AGPAT3: variants seen among roughly 807,000 people sequenced by gnomAD.
AGPAT3 encodes 1-acylglycerol-3-phosphate O-acyltransferase 3.
Under a neutral mutation model 47.3 loss-of-function variants are expected in AGPAT3, and 5 were observed. The observed-to-expected ratio is 0.11, with a 90% CI of 0.06 to 0.22. The LOEUF (loss-of-function observed/expected upper bound fraction) is 0.22. Among genes scored for constraint, AGPAT3 ranks in the 10% least tolerant of loss-of-function variants. The pLI is 1.00. For synonymous variants in AGPAT3, 212 were observed against 208.3 expected (o/e 1.02, Z -0.15); for missense variants, 315 against 493.0 (o/e 0.64, Z 3.42).
chr21:43,891,665 C>T (rs573981945), intron 1 of AGPAT3, among the ~76,000 whole-genome samples: 37 of 151,838 alleles, frequency 2.4e-4, no homozygotes, highest in Admixed American at 2.0e-3. Context: ...AACTCCTCAC[C>T]TGTTCAAGTT....
Position 43,968,088 on chromosome 21 carries a change from C to T in AGPAT3, c.321C>T (p.Thr107=), listed in dbSNP as rs751828858. The change falls in exon 4 of 10, where the codon ACC becomes ACT. Residue 107 remains threonine (T), a synonymous_variant. Transcript: ENST00000291572. ...AGATCGACTTCCTCTGTGGGTGGAC[C>T]ATGTGTGAGCGCTTCGGAGTGCTGG... ...NFEIDFLCGW[T]MCERFGVLGS... 1.2e-6 allele frequency: 2 copies of T among 1,613,550 alleles called. No individual in the cohort carries two copies. The highest frequency in any genetic ancestry group is 1.7e-6 in the Non-Finnish European group (2 of 1,179,964).
chr21:43,889,697 T>C (rs772868605), intron 1 of AGPAT3, among the ~76,000 whole-genome samples: 1 of 152,228 alleles, frequency 6.6e-6, no homozygotes, highest in Non-Finnish European at 1.5e-5. Context: ...TCAGAAGTTA[T>C]GTTTCTGCTA....
Position 43,934,428 on chromosome 21 carries a change from T to C in AGPAT3, c.-48-25206T>C, listed in dbSNP as rs1247012910. The stretch of plus-strand genomic sequence containing the variant: ...GGCCGTCGGCTGCCTGGCCCTGGCC[T>C]GCGTGGCAGCGCAACCTCGTTGGTA... On this transcript the variant is annotated intron_variant, in intron 2 of 9. Transcript: ENST00000291572. The surrounding 1 kb of genome is among the most constrained non-coding windows in gnomAD (Gnocchi z 4.7). Among the ~76,000 whole-genome samples, 1 of 152,248 alleles carries C rather than the reference T, an allele frequency of 6.6e-6. No individual in the cohort carries two copies. The highest frequency in any genetic ancestry group is 1.5e-5 in the Non-Finnish European group (1 of 68,044).
intron 1 of AGPAT3, among the ~76,000 whole-genome samples, chr21:43,893,076 C>T (rs1005624990): frequency 2.0e-5 from 3 of 152,170 alleles, no homozygotes; most frequent in Non-Finnish European, 4.4e-5. Context: ...GCCTAGGCAA[C>T]CGAGTGACAC....
rs982044465 is a variant in AGPAT3 at position 43,955,294 on chromosome 21, G to T, written c.-48-4340G>T. 1.8e-6 allele frequency: 2 copies of T among 1,134,046 alleles called. No individual in the cohort carries two copies. The highest frequency in any genetic ancestry group is 2.2e-6 in the Non-Finnish European group (2 of 898,942). The allele number at this position is 1,134,046 out of a possible 1,614,324, so 70.2% of individuals were successfully genotyped here. A position where few individuals can be genotyped will look rare whatever the true frequency, so the allele number is the denominator to read the frequency against. On this transcript the variant is annotated intron_variant, in intron 2 of 9. Transcript: ENST00000291572. The surrounding 1 kb of genome is among the most constrained non-coding windows in gnomAD (Gnocchi z 4.1). ...CTGACCTGCATTGTCAGGCTGGGTGGGGAAGGACTTGGATGGAAATGTTCC... is the reference window on the plus strand; with the variant it reads ...CTGACCTGCATTGTCAGGCTGGGTGTGGAAGGACTTGGATGGAAATGTTCC...
At chr21:43,980,543 G>A (rs2089810238) in intron 8 of AGPAT3, among the ~76,000 whole-genome samples, 1 of 152,240 alleles carries the variant, frequency 6.6e-6, no homozygotes, top group South Asian at 2.1e-4. Flanking sequence ...AGGTATGCGA[G>A]GTTAAGGAAC....
At chr21:43,950,623 T>G (rs2088146080) in intron 2 of AGPAT3, 1 of 152,224 alleles carries the variant, frequency 6.6e-6, no homozygotes, top group African/African-American at 2.4e-5. Flanking sequence ...TGTGCCCTCA[T>G]GCGTGATGTC....
At chr21:43,886,315 G>A (rs766980049) in intron 1 of AGPAT3, among the ~76,000 whole-genome samples, 8 of 151,884 alleles carry the variant, frequency 5.3e-5, no homozygotes, top group African/African-American at 1.5e-4. Context: ...GTGCAGTGGC[G>A]TGGTCTCGGC....
At chr21:43,897,208 C>A (rs1239355170) in intron 1 of AGPAT3, among the ~76,000 whole-genome samples, 1 of 151,918 alleles carries the variant, frequency 6.6e-6, no homozygotes, top group African/African-American at 2.4e-5. Flanking sequence ...GCACATCTTG[C>A]ACCGCCCTTA....
Position 43,955,146 on chromosome 21 carries a change from C to A in AGPAT3, c.-48-4488C>A. 19 of 1,276,062 alleles carry A rather than the reference C, an allele frequency of 1.5e-5. No individual in the cohort carries two copies. The highest frequency in any genetic ancestry group is 1.9e-5 in the Non-Finnish European group (19 of 980,510). 79.0% of individuals were successfully genotyped at this position (1,276,062 alleles called of 1,614,324 possible). On this transcript the variant is annotated intron_variant, in intron 2 of 9. Transcript: ENST00000291572. The surrounding 1 kb of genome is among the most constrained non-coding windows in gnomAD (Gnocchi z 4.1). ...GGGGGTCACTCAGCAGCCACGGATG[C>A]GCCCTGGGTGCTGTCCCGGGGCCGT...
At chr21:43,968,992 T>G in intron 4 of AGPAT3, 126 bp from the exon 5 acceptor site, 1 of 998,046 alleles carries the variant, frequency 1.0e-6, no homozygotes, top group Non-Finnish European at 1.5e-6. Flanking sequence ...GCAGACCCCC[T>G]GAGCCACAAA....
At chr21:43,948,774 G>A (rs1037066540) in intron 2 of AGPAT3, among the ~76,000 whole-genome samples, 1 of 152,186 alleles carries the variant, frequency 6.6e-6, no homozygotes, top group African/African-American at 2.4e-5. Flanking sequence ...AAATACAATA[G>A]AAATATAAAT....
chr21:43,943,065 T>C (rs1385148968), intron 2 of AGPAT3, among the ~76,000 whole-genome samples: 1 of 152,078 alleles, frequency 6.6e-6, no homozygotes, highest in Non-Finnish European at 1.5e-5. Context: ...GACATCATTT[T>C]CTTTTTTTCT....
In AGPAT3 at chr21:43,982,956, A is replaced by C. The variant is rs1428682196; in HGVS notation, c.*564A>C. 1.3e-5 allele frequency: 2 copies of C among 152,910 alleles called. No individual in the cohort carries two copies. The highest frequency in any genetic ancestry group is 6.5e-5 in the Admixed American group (1 of 15,312). 9.5% of individuals were successfully genotyped at this position (152,910 alleles called of 1,614,324 possible). On this transcript the variant is annotated 3_prime_UTR_variant, in exon 10 of 10. Transcript: ENST00000291572. This position sits in a 1 kb window ranked among gnomAD's most constrained non-coding sequence, Gnocchi z 6.2. ...GCACGAACGTCAGGTCCATTCCTCG[A>C]AGTCGGAGCCCTCACTCTGCCCTGT...
rs148800037 is a variant in AGPAT3, at chr21:43,980,820, C to T, written c.844-169C>T. On this transcript the variant is annotated intron_variant, in intron 8 of 9. Transcript: ENST00000291572. ...TGCACGCTATCAGATTCTCCAAAAA[C>T]GTACAGCCAGCTTCGCCTGCACCTG... Among the ~76,000 whole-genome samples the T allele has an allele frequency of 5.5e-3, 832 of 152,340 alleles. 4 individuals carry two copies. Among genetic ancestry groups the T allele is most frequent in the African/African-American group, 0.019 (790 of 41,576 alleles).
intron 2 of AGPAT3, among the ~76,000 whole-genome samples, chr21:43,923,509 C>G (rs1257669793): frequency 6.6e-6 from 1 of 152,200 alleles, no homozygotes; most frequent in African/African-American, 2.4e-5. Flanking sequence ...TCTGACGCGT[C>G]AGATCCCCCA....
intron 3 of AGPAT3, among the ~76,000 whole-genome samples, chr21:43,963,894 C>G (rs1298429257): frequency 6.6e-6 from 1 of 151,636 alleles, no homozygotes; most frequent in South Asian, 2.1e-4. Flanking sequence ...CTGTGTTGTT[C>G]AAGAGTACAA....
chr21:43,985,105 C>G lies in AGPAT3; in HGVS notation c.*2713C>G, dbSNP rs1465294497. On this transcript the variant is annotated 3_prime_UTR_variant, in exon 10 of 10. Coordinates refer to ENST00000291572, the MANE Select transcript of AGPAT3 (RefSeq NM_020132.5). ...ACGGGCGTCTGGCCGGTCAAGCTCC[C>G]AGCCTGGGCCGTGGTCTCCTGGGGA... The G allele has an allele frequency of 2.2e-6, 1 of 456,258 alleles. No individual in the cohort carries two copies. Among genetic ancestry groups the G allele is most frequent in the Non-Finnish European group, 4.4e-6 (1 of 226,928 alleles). 28.3% of individuals were successfully genotyped at this position (456,258 alleles called of 1,614,324 possible). A position where few individuals can be genotyped will look rare whatever the true frequency, so the allele number is the denominator to read the frequency against.
At chr21:43,868,787 T>C (rs1399767812) in intron 1 of AGPAT3, among the ~76,000 whole-genome samples, 1 of 152,162 alleles carries the variant, frequency 6.6e-6, no homozygotes, top group South Asian at 2.1e-4. Context: ...TACCTTATTA[T>C]TTTATAAGCT....
Sources: gnomAD v4.1 joint callset for allele counts (sites outside exome capture counted in the v4.1 genomes callset) on GRCh38, gnomAD v4.1.1 for gene constraint, Gnocchi (gnomAD v3.1) non-coding constraint, MANE v1.5 for transcripts, NCBI Gene and HGNC (gene_info 2026-07-23, HGNC 2026-07-21) for gene names.